Variants in ARHGAP42 observed in about 807,000 individuals in gnomAD.
ARHGAP42 encodes the protein Rho GTPase activating protein 42.
ARHGAP42 carries 63 observed loss-of-function variants against 125.0 expected under a neutral mutation model. The ratio of observed to expected loss-of-function variants is 0.50; its 90% CI spans 0.41 to 0.62. ARHGAP42 has a LOEUF of 0.62. Ranked by LOEUF, ARHGAP42 falls within the 20% of genes least tolerant of loss-of-function variation. The pLI is 0.00. For missense variants in ARHGAP42, 766 were observed against 1,024.2 expected (o/e 0.75, Z 3.44); for synonymous variants, 339 against 351.0 (o/e 0.97, Z 0.38).
At chr11:100,837,852 G>T (rs1323112465) in intron 3 of ARHGAP42, among the ~76,000 whole-genome samples, 1 of 142,740 alleles carries the variant, frequency 7.0e-6, no homozygotes, top group South Asian at 2.2e-4. Flanking sequence ...ATTAGTTGTG[G>T]CTGTTTTTGT....
At chr11:100,973,407 G>A (rs1858305999) in intron 18 of ARHGAP42, 73 bp downstream of exon 18, 2 of 1,441,578 alleles carry the variant, frequency 1.4e-6, no homozygotes, top group South Asian at 2.6e-5. Flanking sequence ...CATTTGATCT[G>A]TGAGCTCATG....
intron 5 of ARHGAP42, 85 bp downstream of exon 5, chr11:100,913,638 GCTA>G (rs1866985849): frequency 3.6e-6 from 2 of 559,142 alleles, no homozygotes; most frequent in Admixed American, 4.3e-5. Context: ...CTCAAAATCT[GCTA>G]CTATTTAATA....
At chr11:100,900,003 G>A (rs1355719860) in intron 4 of ARHGAP42, among the ~76,000 whole-genome samples, 4 of 152,094 alleles carry the variant, frequency 2.6e-5, no homozygotes, top group African/African-American at 9.7e-5. Flanking sequence ...TCATAGCATC[G>A]ATGGTCTTTT....
chr11:100,904,247 C>CT (rs1555021418), intron 4 of ARHGAP42, among the ~76,000 whole-genome samples: 2,653 of 143,784 alleles, frequency 0.018, 30 homozygotes, highest in African/African-American at 0.035. Context: ...TTTCCTCTCT[C>CT]TTTTTTTTTT....
intron 3 of ARHGAP42, chr11:100,816,704 A>G (rs182247378): frequency 8.5e-4 from 130 of 152,272 alleles, no homozygotes; most frequent in African/African-American, 3.1e-3. Flanking sequence ...TTTGCCTTTT[A>G]TTCTTTTCAG....
intron 1 of ARHGAP42, among the ~76,000 whole-genome samples, chr11:100,740,848 A>G (rs1315816965): frequency 6.6e-6 from 1 of 151,890 alleles, no homozygotes; most frequent in Non-Finnish European, 1.5e-5. Flanking sequence ...TAAAAAAAAT[A>G]TGTCTATCAA....
chr11:100,937,128 T>A (rs1277343319), intron 8 of ARHGAP42, among the ~76,000 whole-genome samples: 1 of 152,160 alleles, frequency 6.6e-6, no homozygotes, highest in Admixed American at 6.5e-5. Context: ...ACACACAAAT[T>A]TGATTTGATC....
intron 1 of ARHGAP42, among the ~76,000 whole-genome samples, chr11:100,744,689 G>A (rs1219702875): frequency 6.6e-6 from 1 of 152,044 alleles, no homozygotes; most frequent in Non-Finnish European, 1.5e-5. Context: ...CTCTGTATGA[G>A]TTTCTTGGTT....
chr11:100,735,712 G>A (rs1240870863), intron 1 of ARHGAP42, among the ~76,000 whole-genome samples: 1 of 147,540 alleles, frequency 6.8e-6, no homozygotes, highest in Non-Finnish European at 1.5e-5. Flanking sequence ...GGGTTCAAGC[G>A]AGTCTCCTGC....
chr11:100,704,506 C>T (rs1164669038), intron 1 of ARHGAP42, among the ~76,000 whole-genome samples: 1 of 152,118 alleles, frequency 6.6e-6, no homozygotes, highest in African/African-American at 2.4e-5. Context: ...GCCTTTTCTT[C>T]CCAGTATTGC....
At chr11:100,951,111 A>T (rs1204972545) in intron 12 of ARHGAP42, among the ~76,000 whole-genome samples, 1 of 152,122 alleles carries the variant, frequency 6.6e-6, no homozygotes, top group African/African-American at 2.4e-5. Context: ...TATTGAATGT[A>T]TTAAAAACCT....
At chr11:100,914,233 C>A (rs1867005048) in intron 5 of ARHGAP42, among the ~76,000 whole-genome samples, 1 of 152,098 alleles carries the variant, frequency 6.6e-6, no homozygotes, top group Non-Finnish European at 1.5e-5. Context: ...CTGTGCCCCA[C>A]CGCTACATGT....
At chr11:100,731,934 A>T (rs1216429016) in intron 1 of ARHGAP42, among the ~76,000 whole-genome samples, 2 of 150,676 alleles carry the variant, frequency 1.3e-5, no homozygotes, top group East Asian at 3.9e-4. Flanking sequence ...AACACATTCT[A>T]TATTTAACTC....
chr11:100,751,277 GTGTT>G (rs1260376608), intron 1 of ARHGAP42, among the ~76,000 whole-genome samples: 1 of 121,624 alleles, frequency 8.2e-6, no homozygotes. Flanking sequence ...GTGTGTGTGT[GTGTT>G]TTTTTTTTTT....
intron 1 of ARHGAP42, among the ~76,000 whole-genome samples, chr11:100,739,514 C>CT (rs1343435446): frequency 6.6e-6 from 1 of 152,086 alleles, no homozygotes; most frequent in Non-Finnish European, 1.5e-5. Flanking sequence ...TAAAAATACT[C>CT]TAATTTGATT....
At chr11:100,688,959 G>A (rs908760024) in intron 1 of ARHGAP42, among the ~76,000 whole-genome samples, 1 of 152,078 alleles carries the variant, frequency 6.6e-6, no homozygotes, top group Non-Finnish European at 1.5e-5. Context: ...AACATGATAG[G>A]GATGTGTGCG....
rs547642927 is a variant in ARHGAP42, at chr11:100,989,321, G to C, written c.*520G>C. Reference sequence around the variant, plus strand: ...AAACATTTCAAGGATGTAAGTCTTTGTTTTAATATAACTTTATTTGTTTTC... The same window carrying C: ...AAACATTTCAAGGATGTAAGTCTTTCTTTTAATATAACTTTATTTGTTTTC... On this transcript the variant is annotated 3_prime_UTR_variant, in exon 24 of 24. Coordinates refer to ENST00000298815, the MANE Select transcript of ARHGAP42 (RefSeq NM_152432.4). The C allele has an allele frequency of 1.5e-5, 6 of 390,178 alleles. No individual in the cohort carries two copies. The Admixed American group carries it at 2.2e-4, about 14-fold the overall frequency. 24.2% of individuals were successfully genotyped at this position (390,178 alleles called of 1,614,324 possible). A position where few individuals can be genotyped will look rare whatever the true frequency, so the allele number is the denominator to read the frequency against.
chr11:100,812,089 C>CCGTG (rs1254321494), intron 3 of ARHGAP42, among the ~76,000 whole-genome samples: 2 of 152,180 alleles, frequency 1.3e-5, no homozygotes, highest in African/African-American at 4.8e-5. Context: ...ATATGAGCCA[C>CCGTG]CGTGCCTGTC....
At chr11:100,875,749 C>T (rs1034890641) in intron 4 of ARHGAP42, among the ~76,000 whole-genome samples, 3 of 114,468 alleles carry the variant, frequency 2.6e-5, no homozygotes, top group Non-Finnish European at 5.7e-5. Context: ...GACATGGCCA[C>T]GTCCAGGGTG....
Sources: gnomAD v4.1 joint callset for allele counts (sites outside exome capture counted in the v4.1 genomes callset) on GRCh38, gnomAD v4.1.1 for gene constraint, MANE v1.5 for transcripts, NCBI Gene and HGNC (gene_info 2026-07-23, HGNC 2026-07-21) for gene names.